Variants in SLCO2B1 observed in about 807,000 individuals in gnomAD.
SLCO2B1 encodes solute carrier organic anion transporter family member 2B1.
A neutral mutation model predicts 67.3 loss-of-function variants in SLCO2B1; 41 were observed. The ratio of observed to expected loss-of-function variants is 0.61; its 90% CI spans 0.47 to 0.79. The LOEUF (loss-of-function observed/expected upper bound fraction) is 0.79, where lower values mean the gene tolerates loss of function less well. Ranked by LOEUF, SLCO2B1 falls within the 30% of genes least tolerant of loss-of-function variation. SLCO2B1 has a pLI of 0.00. For missense variants in SLCO2B1, 837 were observed against 920.1 expected, an observed-to-expected ratio of 0.91 and a Z score of 1.17; for synonymous variants, 379 against 381.4, an observed-to-expected ratio of 0.99 and a Z score of 0.07.
intron 13 of SLCO2B1, 175 bp downstream of exon 13, chr11:75,203,602 T>A: frequency 1.4e-6 from 1 of 737,478 alleles, no homozygotes; most frequent in South Asian, 1.9e-5. Context: ...GCCCCCCTCC[T>A]TTTATAGATG....
At chr11:75,194,507 C>T (rs978910550) in intron 9 of SLCO2B1, among the ~76,000 whole-genome samples, 4 of 152,156 alleles carry the variant, frequency 2.6e-5, no homozygotes, top group Non-Finnish European at 4.4e-5. Flanking sequence ...AGCCCCTCCC[C>T]GTCTGTCCCA....
intron 1 of SLCO2B1, chr11:75,159,928 A>C: frequency 3.3e-6 from 3 of 913,792 alleles, no homozygotes; most frequent in Non-Finnish European, 3.9e-6. Flanking sequence ...ATGAGTGGGC[A>C]GGTGAGAGGC....
At chr11:75,178,063 C>T (rs1194714956) in intron 7 of SLCO2B1, among the ~76,000 whole-genome samples, 8 of 144,946 alleles carry the variant, frequency 5.5e-5, no homozygotes, top group Admixed American at 1.4e-4. Context: ...CACTGCACTC[C>T]AGCCTAGACA....
At chr11:75,200,064 C>A in intron 10 of SLCO2B1, 160 bp from the exon 11 acceptor site, 1 of 675,096 alleles carries the variant, frequency 1.5e-6, no homozygotes, top group Non-Finnish European at 2.4e-6. Flanking sequence ...CTCAAGCCGT[C>A]TTTGCTCAGC....
intron 10 of SLCO2B1, among the ~76,000 whole-genome samples, chr11:75,197,799 C>T (rs1248927334): frequency 6.6e-6 from 1 of 152,152 alleles, no homozygotes; most frequent in Admixed American, 6.5e-5. Flanking sequence ...GCCAAGGGGC[C>T]CAGTGGGGAA....
intron 3 of SLCO2B1, 132 bp downstream of exon 3, chr11:75,164,232 C>T (rs751519389): frequency 2.1e-5 from 21 of 989,212 alleles, no homozygotes; most frequent in Admixed American, 8.6e-5. Context: ...CCTGTCCCAG[C>T]GCCTGCCTGA....
rs1330376891 is a variant in SLCO2B1 at position 75,186,225 on chromosome 11, T to C, written c.973-1911T>C. Among the ~76,000 whole-genome samples the C allele has an allele frequency of 2.0e-5, 3 of 151,952 alleles. No individual in the cohort carries two copies. In the East Asian group the frequency reaches 5.8e-4, roughly 29 times the overall value. ...CACACCTGGCTGATTTTTTTTTTTT[T>C]TGAGAGGGAGTCTCGCTCTGTTGCC... On this transcript the variant is annotated intron_variant, in intron 7 of 13. Coordinates refer to ENST00000289575, the MANE Select transcript of SLCO2B1 (RefSeq NM_007256.5).
chr11:75,179,769 C>T (rs773514314), intron 7 of SLCO2B1, among the ~76,000 whole-genome samples: 1 of 152,152 alleles, frequency 6.6e-6, no homozygotes, highest in Non-Finnish European at 1.5e-5. Flanking sequence ...CAGAGTCTCA[C>T]TCTGTCACCC....
At chr11:75,185,189 T>C (rs369069660) in intron 7 of SLCO2B1, among the ~76,000 whole-genome samples, 4 of 152,228 alleles carry the variant, frequency 2.6e-5, no homozygotes, top group East Asian at 3.8e-4. Context: ...ATGAAGGTTC[T>C]GAAATGTGGG....
Position 75,203,294 on chromosome 11 carries a change from C to A in SLCO2B1, c.1829-13C>A, listed in dbSNP as rs773100890. 37 of 1,612,042 alleles carry A rather than the reference C, an allele frequency of 2.3e-5. No individual in the cohort carries two copies. The South Asian group carries it at 3.6e-4, about 16-fold the overall frequency. On this transcript the variant is annotated splice_polypyrimidine_tract_variant and intron_variant, in intron 12 of 13. Transcript: ENST00000289575. ...GTGGGCCTTCATTGTCCCCTGAGCACCACCTCCCTCAGCCTGGATGCCCAG... is the reference window on the plus strand; with the variant it reads ...GTGGGCCTTCATTGTCCCCTGAGCAACACCTCCCTCAGCCTGGATGCCCAG...
intron 4 of SLCO2B1, 132 bp downstream of exon 4, chr11:75,166,081 C>G (rs918457153): frequency 8.9e-7 from 1 of 1,122,786 alleles, no homozygotes. Flanking sequence ...GCTGCTAGTC[C>G]CCCCCCAACC....
chr11:75,179,095 C>A (rs953905521), intron 7 of SLCO2B1, among the ~76,000 whole-genome samples: 1 of 151,560 alleles, frequency 6.6e-6, no homozygotes, highest in African/African-American at 2.4e-5. Flanking sequence ...GATCTCTCTC[C>A]TTTCTTTCAT....
At position 75,162,664 on chromosome 11, in the gene SLCO2B1, G is replaced by C. The variant is rs1053153998; in HGVS notation, c.26G>C (p.Gly9Ala). Residue 9 changes from glycine (G) to alanine (A), a missense_variant, in exon 2 of 14, where the codon GGT becomes GCT. Gly to Ala is a moderately conservative substitution (Grantham distance 60, BLOSUM62 0). Coordinates refer to ENST00000289575, the MANE Select transcript of SLCO2B1 (RefSeq NM_007256.5). MGPRIGPA[G>A]EVPQVPDKET... ...GTTTTCTGTCCCTCAGGGCCAGCGGGTGAGGTACCCCAGGTACCAGACAAG... is the reference window on the plus strand; with the variant it reads ...GTTTTCTGTCCCTCAGGGCCAGCGGCTGAGGTACCCCAGGTACCAGACAAG... 1 of 1,613,374 alleles carries C rather than the reference G, an allele frequency of 6.2e-7. No homozygotes were observed. The highest frequency in any genetic ancestry group is 2.2e-5 in the East Asian group (1 of 44,872).
intron 1 of SLCO2B1, among the ~76,000 whole-genome samples, chr11:75,156,250 A>G (rs1419125279): frequency 6.6e-6 from 1 of 152,194 alleles, no homozygotes; most frequent in Admixed American, 6.5e-5. Context: ...ATCCACCAGG[A>G]CTGGGGGAGT....
At chr11:75,161,590 CA>C (rs1949821735) in intron 1 of SLCO2B1, among the ~76,000 whole-genome samples, 1 of 152,128 alleles carries the variant, frequency 6.6e-6, no homozygotes, top group Non-Finnish European at 1.5e-5. Flanking sequence ...TCCCCCAGAT[CA>C]GAGGAATCCT....
intron 9 of SLCO2B1, among the ~76,000 whole-genome samples, chr11:75,196,019 G>A (rs1357568939): frequency 2.6e-5 from 4 of 152,184 alleles, no homozygotes; most frequent in Non-Finnish European, 5.9e-5. Flanking sequence ...TGAACAGGGT[G>A]GTGGGAGTGA....
chr11:75,164,212 T>G, intron 3 of SLCO2B1, 112 bp downstream of exon 3: 1 of 1,192,142 alleles, frequency 8.4e-7, no homozygotes, highest in Non-Finnish European at 1.2e-6. Flanking sequence ...CCCAGTGCCC[T>G]CAGGCAACCC....
At chr11:75,154,421 A>G (rs1949723735) in intron 1 of SLCO2B1, among the ~76,000 whole-genome samples, 1 of 152,002 alleles carries the variant, frequency 6.6e-6, no homozygotes, top group Non-Finnish European at 1.5e-5. Context: ...AATTGCTTGA[A>G]CCTGGGAGGC....
chr11:75,202,485 T>A, intron 11 of SLCO2B1: 1 of 210,636 alleles, frequency 4.7e-6, no homozygotes, highest in East Asian at 1.0e-4. Flanking sequence ...AAGCGCTCCA[T>A]AAATGCCAGC....
Sources: gnomAD v4.1 joint callset for allele counts (sites outside exome capture counted in the v4.1 genomes callset) on GRCh38, gnomAD v4.1.1 for gene constraint, MANE v1.5 for transcripts, NCBI Gene and HGNC (gene_info 2026-07-23, HGNC 2026-07-21) for gene names.